The following SLC30A8 variants were observed in gnomAD, a reference collection of about 807,000 sequenced individuals.
SLC30A8 encodes proton-coupled zinc antiporter SLC30A8.
Under a neutral mutation model 36.9 loss-of-function variants are expected in SLC30A8, and 27 were observed. The observed-to-expected ratio is 0.73, with a 90% confidence interval of 0.54 to 1.01. The LOEUF (loss-of-function observed/expected upper bound fraction) is 1.01. SLC30A8 is among the 50% of genes least tolerant of loss of function. The pLI is 0.00. For synonymous variants in SLC30A8, 164 were observed against 172.4 expected, an observed-to-expected ratio of 0.95 and a Z score of 0.38; for missense variants, 439 against 452.0, an observed-to-expected ratio of 0.97 and a Z score of 0.26.
At chr8:117,087,687 C>T (rs1018139872) in intron 2 of SLC30A8, among the ~76,000 whole-genome samples, 5 of 152,224 alleles carry the variant, frequency 3.3e-5, no homozygotes, top group African/African-American at 1.2e-4. Context: ...ATATGCCACT[C>T]TTAGCAACTG....
Position 117,152,851 on chromosome 8 carries a change from G to T in SLC30A8, c.272-93G>T, listed in dbSNP as rs888988358. 5.7e-6 allele frequency: 6 copies of T among 1,055,660 alleles called. No homozygotes were observed. The Admixed American group carries it at 1.6e-4, about 27-fold the overall frequency. 65.4% of individuals were successfully genotyped at this position (1,055,660 alleles called of 1,614,324 possible). On this transcript the variant is annotated intron_variant, in intron 2 of 7. Coordinates refer to ENST00000456015, the MANE Select transcript of SLC30A8 (RefSeq NM_173851.3). Reference sequence around the variant, plus strand: ...CTCTTTTTCCTCTAAAGTTTTGTGAGTCTGTGGCATTTTCACCCATGATGG... The same window carrying T: ...CTCTTTTTCCTCTAAAGTTTTGTGATTCTGTGGCATTTTCACCCATGATGG...
chr8:117,165,003 T>G (rs1394027527), intron 6 of SLC30A8, among the ~76,000 whole-genome samples: 1 of 152,234 alleles, frequency 6.6e-6, no homozygotes, highest in East Asian at 1.9e-4. Flanking sequence ...TCTTTTCATT[T>G]GGCATAAAAT....
At chr8:117,119,664 A>G (rs1267958700) in intron 2 of SLC30A8, among the ~76,000 whole-genome samples, 2 of 151,956 alleles carry the variant, frequency 1.3e-5, no homozygotes, top group African/African-American at 4.8e-5. Flanking sequence ...ATAACGCCTT[A>G]TCCTTAAAAC....
At chr8:117,166,149 A>ATAAT (rs1823045742) in intron 6 of SLC30A8, among the ~76,000 whole-genome samples, 1 of 152,216 alleles carries the variant, frequency 6.6e-6, no homozygotes, top group African/African-American at 2.4e-5. Context: ...ATACAACGAA[A>ATAAT]TAATAAATGT....
chr8:116,990,444 T>A (rs996509285), intron 1 of SLC30A8, among the ~76,000 whole-genome samples: 1 of 152,218 alleles, frequency 6.6e-6, no homozygotes, highest in African/African-American at 2.4e-5. Flanking sequence ...CACCTTGTTG[T>A]ATTTCTCCCT....
intron 2 of SLC30A8, among the ~76,000 whole-genome samples, chr8:117,070,468 G>C (rs897163889): frequency 6.6e-5 from 10 of 152,162 alleles, no homozygotes; most frequent in African/African-American, 2.4e-4. Flanking sequence ...AGCAGAAGCT[G>C]CAACATCTCC....
chr8:117,153,416 T>C (rs1424384222), intron 3 of SLC30A8, among the ~76,000 whole-genome samples: 1 of 152,138 alleles, frequency 6.6e-6, no homozygotes, highest in East Asian at 1.9e-4. Flanking sequence ...GAAGAGAGGA[T>C]AGGAGTAAAG....
intron 1 of SLC30A8, among the ~76,000 whole-genome samples, chr8:116,968,499 T>G (rs1188074881): frequency 1.3e-5 from 2 of 151,690 alleles, no homozygotes; most frequent in African/African-American, 4.8e-5. Context: ...GATTGAGAAT[T>G]TGAGGAAACT....
chr8:117,098,023 A>C (rs1819531681), intron 2 of SLC30A8, among the ~76,000 whole-genome samples: 1 of 133,140 alleles, frequency 7.5e-6, no homozygotes, highest in Non-Finnish European at 1.5e-5. Flanking sequence ...TATTTTAAAT[A>C]AATATATTAA....
Position 117,142,553 on chromosome 8 carries a change from G to A in SLC30A8, c.72-4401G>A, listed in dbSNP as rs1373094680. On this transcript the variant is annotated intron_variant, in intron 1 of 7. Coordinates refer to ENST00000456015, the MANE Select transcript of SLC30A8 (RefSeq NM_173851.3). ...TTCACTCTTTCTTTACGCCACAGGGGACACCTATGTAGTTTTCTTTCTGTT... is the reference window on the plus strand; with the variant it reads ...TTCACTCTTTCTTTACGCCACAGGGAACACCTATGTAGTTTTCTTTCTGTT... 4.6e-5 allele frequency among the ~76,000 whole-genome samples: 7 copies of A among 152,058 alleles called. No homozygotes were observed. In the East Asian group the frequency reaches 1.4e-3, roughly 29 times the overall value.
At chr8:116,998,868 A>G (rs1815908506) in intron 1 of SLC30A8, among the ~76,000 whole-genome samples, 1 of 152,212 alleles carries the variant, frequency 6.6e-6, no homozygotes, top group South Asian at 2.1e-4. Context: ...GGCCTTGCTG[A>G]CACCTTGATT....
At chr8:117,056,302 T>C (rs906725783) in intron 2 of SLC30A8, among the ~76,000 whole-genome samples, 1 of 152,182 alleles carries the variant, frequency 6.6e-6, no homozygotes, top group African/African-American at 2.4e-5. Flanking sequence ...ATGTAATCAG[T>C]GGGGACTCTC....
chr8:117,130,309 T>A (rs112215899), upstream of SLC30A8: 477 of 152,082 alleles, frequency 3.1e-3, 1 homozygote, highest in African/African-American at 0.011. Flanking sequence ...AGAGAAAGTA[T>A]TGTCAGCCAG....
At chr8:117,102,176 C>T (rs1194964198) in intron 2 of SLC30A8, among the ~76,000 whole-genome samples, 2 of 152,122 alleles carry the variant, frequency 1.3e-5, no homozygotes, top group African/African-American at 4.8e-5. Flanking sequence ...TAAACCCCTT[C>T]AATTTACTTG....
chr8:117,009,393 A>G (rs1816274379), intron 1 of SLC30A8, among the ~76,000 whole-genome samples: 1 of 152,216 alleles, frequency 6.6e-6, no homozygotes, highest in Non-Finnish European at 1.5e-5. Context: ...TTCTAAAAGG[A>G]CCAAATGAAC....
chr8:117,126,004 ATCT>A (rs947368301), intron 2 of SLC30A8, among the ~76,000 whole-genome samples: 2 of 151,974 alleles, frequency 1.3e-5, no homozygotes, highest in African/African-American at 4.8e-5. Context: ...AGCTTCAACG[ATCT>A]TCTCCTCTCT....
chr8:116,962,247 C>T (rs1488980047), intron 1 of SLC30A8, among the ~76,000 whole-genome samples: 1 of 151,936 alleles, frequency 6.6e-6, no homozygotes, highest in African/African-American at 2.4e-5. Context: ...GCAGTGATGA[C>T]TTTTGGCTTT....
intron 2 of SLC30A8, among the ~76,000 whole-genome samples, chr8:117,039,692 G>A (rs184783113): frequency 3.8e-4 from 58 of 152,324 alleles, no homozygotes; most frequent in African/African-American, 1.3e-3. Context: ...GCAATGGTTT[G>A]TACTCCTAGT....
intron 2 of SLC30A8, among the ~76,000 whole-genome samples, chr8:117,061,002 A>G (rs893164790): frequency 2.0e-5 from 3 of 152,148 alleles, no homozygotes; most frequent in African/African-American, 7.2e-5. Context: ...TCTGTAAAGA[A>G]TTAGAAGACT....
Sources: gnomAD v4.1 joint callset for allele counts (sites outside exome capture counted in the v4.1 genomes callset) on GRCh38, gnomAD v4.1.1 for gene constraint, MANE v1.5 for transcripts, NCBI Gene and HGNC (gene_info 2026-07-23, HGNC 2026-07-21) for gene names.